The following CACNA1D variants were observed in gnomAD, a reference collection of about 807,000 sequenced individuals.
CACNA1D encodes voltage-dependent L-type calcium channel subunit alpha-1D.
A neutral mutation model predicts 257.1 loss-of-function variants in CACNA1D; 55 were observed. The ratio of observed to expected loss-of-function variants is 0.21; its 90% CI spans 0.17 to 0.27. The LOEUF (loss-of-function observed/expected upper bound fraction) is 0.27. Ranked by LOEUF, CACNA1D falls within the 10% of genes least tolerant of loss-of-function variation. The pLI is 1.00. For missense variants in CACNA1D, 1,876 were observed against 2,784.0 expected, an observed-to-expected ratio of 0.67 and a Z score of 7.34; for synonymous variants, 980 against 1,014.9, an observed-to-expected ratio of 0.97 and a Z score of 0.65.
chr3:53,551,809 C>T (rs1443359886), intron 3 of CACNA1D, among the ~76,000 whole-genome samples: 2 of 152,244 alleles, frequency 1.3e-5, no homozygotes, highest in Admixed American at 1.3e-4. Flanking sequence ...CGTGCCTCCT[C>T]CTCGATCTCC....
chr3:53,514,397 G>C (rs896144252), intron 3 of CACNA1D, among the ~76,000 whole-genome samples: 1 of 151,896 alleles, frequency 6.6e-6, no homozygotes, highest in African/African-American at 2.4e-5. Flanking sequence ...GGGGGGTGGG[G>C]GTCTCTCTGG....
At chr3:53,604,935 C>T (rs908847629) in intron 3 of CACNA1D, among the ~76,000 whole-genome samples, 8 of 152,188 alleles carry the variant, frequency 5.3e-5, no homozygotes, top group Non-Finnish European at 8.8e-5. Context: ...TGGGTTCTCA[C>T]TGTGGGCTGT....
At chr3:53,733,401 C>G (rs2108774434) in intron 19 of CACNA1D, among the ~76,000 whole-genome samples, 1 of 152,304 alleles carries the variant, frequency 6.6e-6, no homozygotes, top group African/African-American at 2.4e-5. Context: ...TGACCAAGGT[C>G]CGCATAGCAT....
intron 3 of CACNA1D, among the ~76,000 whole-genome samples, chr3:53,529,500 G>T (rs141819934): frequency 1.3e-5 from 2 of 152,168 alleles, no homozygotes; most frequent in Admixed American, 1.3e-4. Flanking sequence ...TGGTGTCTGG[G>T]TTGTGCTGGA....
chr3:53,727,415 C>T (rs1417280815), intron 15 of CACNA1D, among the ~76,000 whole-genome samples: 3 of 152,192 alleles, frequency 2.0e-5, no homozygotes, highest in Non-Finnish European at 4.4e-5. Flanking sequence ...TGATGAGAGC[C>T]ATCTTTGTGG....
At chr3:53,624,666 C>T (rs938773460) in intron 3 of CACNA1D, among the ~76,000 whole-genome samples, 1 of 152,208 alleles carries the variant, frequency 6.6e-6, no homozygotes. Context: ...AAGAAGCCCT[C>T]AATGGCATTA....
chr3:53,735,645 C>T (rs938418817), intron 20 of CACNA1D, 142 bp downstream of exon 20: 12 of 875,366 alleles, frequency 1.4e-5, no homozygotes, highest in African/African-American at 1.2e-4. Context: ...TGGCTGTTTC[C>T]GGTTTGTAAG....
At chr3:53,753,144 C>T (rs1576561921) in intron 28 of CACNA1D, among the ~76,000 whole-genome samples, 3 of 152,132 alleles carry the variant, frequency 2.0e-5, no homozygotes, top group Admixed American at 6.5e-5. Flanking sequence ...TGTGTGCTGA[C>T]GTAGAAGAAA....
chr3:53,703,032 T>C (rs2094643427), intron 9 of CACNA1D, among the ~76,000 whole-genome samples: 1 of 152,194 alleles, frequency 6.6e-6, no homozygotes, highest in African/African-American at 2.4e-5. Context: ...TTTGGTAAGG[T>C]GGCTTTATAG....
At chr3:53,620,045 A>G (rs2093678959) in intron 3 of CACNA1D, among the ~76,000 whole-genome samples, 1 of 152,216 alleles carries the variant, frequency 6.6e-6, no homozygotes, top group African/African-American at 2.4e-5. Flanking sequence ...GAAAAATTAA[A>G]TAGCAATGTA....
At chr3:53,613,544 CTGTGTG>C (rs5849000) in intron 3 of CACNA1D, among the ~76,000 whole-genome samples, 2 of 150,638 alleles carry the variant, frequency 1.3e-5, no homozygotes, top group Non-Finnish European at 3.0e-5. Context: ...GCACGGCCAT[CTGTGTG>C]TGTGTGTGTG....
chr3:53,575,176 C>T (rs1391622699), intron 3 of CACNA1D, among the ~76,000 whole-genome samples: 1 of 152,176 alleles, frequency 6.6e-6, no homozygotes, highest in East Asian at 1.9e-4. Flanking sequence ...CCCATACCTG[C>T]GTCCTGCATG....
chr3:53,742,921 G>A, intron 21 of CACNA1D, 90 bp from the exon 22 acceptor site: 1 of 836,948 alleles, frequency 1.2e-6, no homozygotes, highest in Non-Finnish European at 2.1e-6. Flanking sequence ...TGTTAATGAA[G>A]TTATACTTTC....
intron 9 of CACNA1D, among the ~76,000 whole-genome samples, chr3:53,704,656 G>A (rs191189690): frequency 3.3e-5 from 5 of 152,328 alleles, no homozygotes; most frequent in African/African-American, 1.2e-4. Context: ...GCTTGGAGAT[G>A]CCTGCACCGC....
chr3:53,526,916 A>G (rs9882823), intron 3 of CACNA1D, among the ~76,000 whole-genome samples: 17,808 of 152,250 alleles, frequency 0.12, 3,029 homozygotes, highest in African/African-American at 0.38. Context: ...TAAGCTCTTT[A>G]AAGTTTTAAT....
intron 9 of CACNA1D, among the ~76,000 whole-genome samples, chr3:53,711,995 G>C (rs1343995729): frequency 1.3e-5 from 2 of 152,140 alleles, no homozygotes; most frequent in African/African-American, 2.4e-5. Context: ...CAAGAAGAAT[G>C]GCCTTCAGCT....
chr3:53,702,899 G>A (rs1323966324), intron 9 of CACNA1D, 89 bp downstream of exon 9: 1 of 1,418,508 alleles, frequency 7.0e-7, no homozygotes, highest in African/African-American at 1.4e-5. Flanking sequence ...TCTGACCCAG[G>A]CTGTGAGTGG....
At chr3:53,652,890 A>G (rs980559706) in intron 4 of CACNA1D, among the ~76,000 whole-genome samples, 7 of 152,364 alleles carry the variant, frequency 4.6e-5, no homozygotes, top group African/African-American at 1.7e-4. Context: ...AAGTTTGCCA[A>G]TTGCTGCTCT....
chr3:53,635,328 C>T (rs1233264193), intron 3 of CACNA1D, among the ~76,000 whole-genome samples: 4 of 152,152 alleles, frequency 2.6e-5, no homozygotes, highest in Non-Finnish European at 5.9e-5. Context: ...ACTGCCCTGC[C>T]CTGCTTCTCT....
Sources: gnomAD v4.1 joint callset for allele counts (sites outside exome capture counted in the v4.1 genomes callset) on GRCh38, gnomAD v4.1.1 for gene constraint, MANE v1.5 for transcripts, NCBI Gene and HGNC (gene_info 2026-07-23, HGNC 2026-07-21) for gene names.